Variants in LRRC4C observed in about 807,000 individuals in gnomAD.
LRRC4C encodes leucine-rich repeat-containing protein 4C.
Under a neutral mutation model 33.6 loss-of-function variants are expected in LRRC4C, and 5 were observed. The observed-to-expected ratio is 0.15, with a 90% confidence interval of 0.08 to 0.31. The LOEUF is 0.31. LRRC4C is among the 10% of genes least tolerant of loss of function. The pLI, the probability that LRRC4C is intolerant of heterozygous loss-of-function variation, is 1.00. For synonymous variants in LRRC4C, 329 were observed against 302.0 expected (o/e 1.09, Z -0.93); for missense variants, 560 against 796.7 (o/e 0.70, Z 3.58).
intron 2 of LRRC4C, among the ~76,000 whole-genome samples, chr11:40,798,722 C>T (rs1950928383): frequency 6.6e-6 from 1 of 151,106 alleles, no homozygotes; most frequent in South Asian, 2.1e-4. Context: ...CAGTTCACTG[C>T]AACCTCTGCC....
intron 1 of LRRC4C, among the ~76,000 whole-genome samples, chr11:41,412,343 T>A (rs1202872549): frequency 6.6e-6 from 1 of 152,192 alleles, no homozygotes; most frequent in African/African-American, 2.4e-5. Flanking sequence ...GGTGATGTTT[T>A]TATGAGCAGA....
chr11:41,287,794 G>T (rs1401817773), intron 1 of LRRC4C, among the ~76,000 whole-genome samples: 1 of 152,118 alleles, frequency 6.6e-6, no homozygotes, highest in African/African-American at 2.4e-5. Context: ...GATTTAATAA[G>T]CCCACATAAG....
At chr11:40,992,230 T>A (rs1485101746) in intron 1 of LRRC4C, among the ~76,000 whole-genome samples, 3 of 152,068 alleles carry the variant, frequency 2.0e-5, no homozygotes, top group African/African-American at 7.2e-5. Context: ...AGAATTCAGG[T>A]CTCCTCTATT....
At chr11:40,546,095 TTCCTTCC>T (rs1956908183) in intron 3 of LRRC4C, among the ~76,000 whole-genome samples, 1 of 81,828 alleles carries the variant, frequency 1.2e-5, no homozygotes, top group South Asian at 4.1e-4. Flanking sequence ...CCTTCCTTCC[TTCCTTCC>T]TTCCTTCCTT....
At chr11:41,320,176 A>T (rs1229016992) in intron 1 of LRRC4C, among the ~76,000 whole-genome samples, 1 of 152,232 alleles carries the variant, frequency 6.6e-6, no homozygotes, top group African/African-American at 2.4e-5. Context: ...TAAATAAAAT[A>T]AAAATCTGTG....
chr11:40,443,667 G>T (rs145704628), intron 3 of LRRC4C, among the ~76,000 whole-genome samples: 41 of 152,278 alleles, frequency 2.7e-4, no homozygotes, highest in African/African-American at 9.9e-4. Context: ...ATATTAATTT[G>T]ATTGGAGTGT....
chr11:41,115,382 TTTC>T (rs1295296707), intron 1 of LRRC4C, among the ~76,000 whole-genome samples: 1 of 149,788 alleles, frequency 6.7e-6, no homozygotes, highest in Non-Finnish European at 1.5e-5. Context: ...CATCTTTTTT[TTTC>T]TTTTTTTTTT....
At chr11:40,651,030 C>T (rs1405097121) in intron 2 of LRRC4C, among the ~76,000 whole-genome samples, 1 of 152,190 alleles carries the variant, frequency 6.6e-6, no homozygotes, top group African/African-American at 2.4e-5. Context: ...AAAATCCCAT[C>T]TTAATAGAAC....
intron 3 of LRRC4C, among the ~76,000 whole-genome samples, chr11:40,646,646 G>A (rs576827460): frequency 3.9e-5 from 6 of 152,116 alleles, no homozygotes; most frequent in South Asian, 2.1e-4. Context: ...TTGCTCTGCC[G>A]CCCAGGCCGG....
At chr11:40,495,507 A>G (rs1373554803) in intron 3 of LRRC4C, among the ~76,000 whole-genome samples, 4 of 152,180 alleles carry the variant, frequency 2.6e-5, no homozygotes, top group Admixed American at 1.3e-4. Context: ...GGGTTTAGAA[A>G]GTTCCCCAAG....
intron 2 of LRRC4C, among the ~76,000 whole-genome samples, chr11:40,860,610 A>C (rs950003554): frequency 1.3e-5 from 2 of 151,944 alleles, no homozygotes; most frequent in African/African-American, 4.8e-5. Context: ...CTACCAGTGC[A>C]TCTCTGTCTT....
intron 3 of LRRC4C, among the ~76,000 whole-genome samples, chr11:40,552,348 T>C (rs994345177): frequency 1.3e-5 from 2 of 152,180 alleles, no homozygotes; most frequent in Admixed American, 1.3e-4. Context: ...TGAGTGGGAA[T>C]TCGAACCCAG....
At chr11:41,265,851 G>GT (rs1442133408) in intron 1 of LRRC4C, among the ~76,000 whole-genome samples, 1 of 143,820 alleles carries the variant, frequency 7.0e-6, no homozygotes, top group Admixed American at 7.3e-5. Context: ...AAGCAGGGAT[G>GT]TAATGCCCAT....
intron 4 of LRRC4C, among the ~76,000 whole-genome samples, chr11:40,311,657 G>A (rs895578118): frequency 1.3e-5 from 2 of 152,070 alleles, no homozygotes; most frequent in Admixed American, 6.5e-5. Flanking sequence ...CTTAAAATGT[G>A]CTTTTCTGAC....
chr11:40,315,488 C>T (rs1317558903), intron 4 of LRRC4C, among the ~76,000 whole-genome samples: 2 of 151,746 alleles, frequency 1.3e-5, no homozygotes, highest in Non-Finnish European at 2.9e-5. Context: ...ATTAATGTCA[C>T]ATTTACATTT....
At chr11:40,825,436 A>G (rs1272657824) in intron 2 of LRRC4C, among the ~76,000 whole-genome samples, 2 of 151,822 alleles carry the variant, frequency 1.3e-5, no homozygotes, top group Non-Finnish European at 2.9e-5. Context: ...CTGTCAAATT[A>G]CAATCTGCCA....
intron 2 of LRRC4C, among the ~76,000 whole-genome samples, chr11:40,795,291 G>C (rs1322504725): frequency 6.6e-6 from 1 of 152,162 alleles, no homozygotes; most frequent in Non-Finnish European, 1.5e-5. Context: ...CACTTTGGGA[G>C]GGTGAGGCTG....
intron 1 of LRRC4C, among the ~76,000 whole-genome samples, chr11:41,255,188 T>C (rs576008170): frequency 2.0e-3 from 305 of 152,148 alleles, no homozygotes; most frequent in Non-Finnish European, 3.8e-3. Context: ...GCCAAATGAA[T>C]GAAGCACAAT....
chr11:40,276,226 C>T (rs1300254932), intron 4 of LRRC4C, among the ~76,000 whole-genome samples: 1 of 152,048 alleles, frequency 6.6e-6, no homozygotes, highest in African/African-American at 2.4e-5. Flanking sequence ...ATTATAGTTA[C>T]CTGGGCCTGA....
Sources: allele counts gnomAD v4.1 joint callset (sites outside exome capture counted in the v4.1 genomes callset), GRCh38; gene constraint gnomAD v4.1.1; transcripts MANE v1.5; gene names NCBI Gene and HGNC (gene_info 2026-07-23, HGNC 2026-07-21).